Variants in MRPS22 observed in about 807,000 individuals in gnomAD.
MRPS22 encodes the protein mitochondrial ribosomal protein S22.
Under a neutral mutation model 44.0 loss-of-function variants are expected in MRPS22, and 30 were observed. The observed-to-expected ratio is 0.68, with a 90% CI of 0.51 to 0.93. MRPS22 has a LOEUF of 0.93. Among genes scored for constraint, MRPS22 ranks in the 40% least tolerant of loss-of-function variants. The pLI is 0.00. For missense variants in MRPS22, 447 were observed against 447.8 expected, an observed-to-expected ratio of 1.00 and a Z score of 0.02; for synonymous variants, 165 against 154.4, an observed-to-expected ratio of 1.07 and a Z score of -0.51.
intron 4 of MRPS22, 56 bp from the exon 5 acceptor site, chr3:139,350,921 A>T: frequency 7.1e-7 from 1 of 1,406,198 alleles, no homozygotes; most frequent in African/African-American, 1.4e-5. Context: ...TGACATCAGG[A>T]CAGGTGCTGA....
intron 7 of MRPS22, 121 bp downstream of exon 7, chr3:139,355,911 G>C: frequency 1.3e-6 from 1 of 757,810 alleles, no homozygotes; most frequent in Non-Finnish European, 2.3e-6. Flanking sequence ...CTGTGGTCTT[G>C]AAAACATCAG....
chr3:139,356,924 T>C lies in MRPS22; in HGVS notation c.993T>C (p.Phe331=), dbSNP rs759741122. ...AAEGINLIKV[F]AKTEAQKGAY... is the part of the protein sequence containing the mutation. ...TTTCTTTTTAATTTAAACAGGTCTT[T>C]GCAAAAACAGAAGCACAGAAGGGAG... The change falls in exon 8 of 8, where the codon TTT becomes TTC. Residue 331 remains phenylalanine, a synonymous_variant. Coordinates refer to ENST00000680020, the MANE Select transcript of MRPS22 (RefSeq NM_020191.4). 1.1e-5 allele frequency: 18 copies of C among 1,611,666 alleles called. No homozygotes were observed. Among genetic ancestry groups the C allele is most frequent in the Non-Finnish European group, 1.5e-5 (18 of 1,178,444 alleles).
At chr3:139,352,388 C>T in intron 5 of MRPS22, 1 of 411,322 alleles carries the variant, frequency 2.4e-6, no homozygotes, top group African/African-American at 2.0e-5. Flanking sequence ...CCCACCTCAG[C>T]TTCCCAAAGT....
rs1941051715 is a variant in MRPS22 at position 139,347,055 on chromosome 3, G to T, written c.339+11G>T. The T allele has an allele frequency of 1.9e-6, 3 of 1,613,968 alleles. No individual in the cohort carries two copies. In the South Asian group the frequency reaches 3.3e-5, roughly 18 times the overall value. On this transcript the variant is annotated intron_variant, in intron 2 of 7. Coordinates refer to ENST00000680020, the MANE Select transcript of MRPS22 (RefSeq NM_020191.4). Reference sequence around the variant, plus strand: ...GCACAGTTGGAAGAGGTACGTGAATGCAGGAATATTGTTAGAATACCTTTC... The same window carrying T: ...GCACAGTTGGAAGAGGTACGTGAATTCAGGAATATTGTTAGAATACCTTTC...
At chr3:139,344,584 C>T in intron 1 of MRPS22, 1 of 627,966 alleles carries the variant, frequency 1.6e-6, no homozygotes, top group Non-Finnish European at 2.8e-6. Flanking sequence ...GGGAAGGGTT[C>T]CTGGCAAATA....
chr3:139,346,474 C>T (rs959258442), intron 1 of MRPS22, among the ~76,000 whole-genome samples: 3 of 152,208 alleles, frequency 2.0e-5, no homozygotes, highest in Non-Finnish European at 2.9e-5. Context: ...AGCTAGTTGT[C>T]TTTGGATAGG....
intron 1 of MRPS22, chr3:139,344,664 TA>T (rs1359064608): frequency 8.6e-6 from 6 of 699,042 alleles, no homozygotes; most frequent in Middle Eastern, 4.6e-4. Context: ...TAGGGGACAG[TA>T]GCAGATGTCC....
rs1941237919 is a variant in MRPS22 at position 139,355,716 on chromosome 3, C to G, written c.913C>G (p.His305Asp). The G allele has an allele frequency of 1.2e-6, 2 of 1,614,148 alleles. No homozygotes were observed. Among genetic ancestry groups the G allele is most frequent in the Non-Finnish European group, 1.7e-6 (2 of 1,180,000 alleles). The change falls in exon 7 of 8, where the codon CAC becomes GAC. Residue 305 changes from histidine (H) to aspartate (D), a missense_variant. Coordinates refer to ENST00000680020, the MANE Select transcript of MRPS22 (RefSeq NM_020191.4). ...DDATNLVQLYHVLHPDGQSAQ... is the reference protein window; with the variant it reads ...DDATNLVQLYDVLHPDGQSAQ... ...TGCAACCAACTTGGTCCAGCTGTAT[C>G]ACGTGCTCCATCCAGATGGCCAGTC...
Position 139,344,178 on chromosome 3 carries a change from G to T in MRPS22, c.152G>T (p.Arg51Leu), listed in dbSNP as rs747726730. ...PCSFEMGLPR[R>L]RFSSEAAESG... is the part of the protein sequence containing the mutation. ...TCTTTCGAGATGGGGCTGCCACGCC[G>T]CCGGTTCAGCTCCGAGGCCGGTAAG... Residue 51 changes from arginine to leucine, a missense_variant, in exon 1 of 8, where the codon CGC (arginine) becomes CTC (leucine). Coordinates refer to ENST00000680020, the MANE Select transcript of MRPS22 (RefSeq NM_020191.4). 2.0e-5 allele frequency: 33 copies of T among 1,610,538 alleles called. No individual in the cohort carries two copies. Among genetic ancestry groups the T allele is most frequent in the Middle Eastern group, 3.5e-4 (2 of 5,738 alleles).
chr3:139,344,428 A>AAG (rs1940999030), intron 1 of MRPS22: 3 of 632,244 alleles, frequency 4.7e-6, no homozygotes, highest in Admixed American at 2.5e-5. Context: ...GCACTGTGCT[A>AAG]AGCTCTGTGG....
In MRPS22 at chr3:139,352,772, T is replaced by C. The variant is rs1560008090; in HGVS notation, c.858T>C (p.Ile286=). 6.2e-7 allele frequency: 1 copy of C among 1,613,648 alleles called. No individual in the cohort carries two copies. The highest frequency in any genetic ancestry group is 1.7e-5 in the Admixed American group (1 of 60,014). The change falls in exon 6 of 8, where the codon ATT becomes ATC. Residue 286 remains isoleucine (I), a synonymous_variant. Coordinates refer to ENST00000680020, the MANE Select transcript of MRPS22 (RefSeq NM_020191.4). ...VNNKKIDGLL[I]DQIQRDLIDD... is the part of the protein sequence containing the mutation. ...ATAAAAAGATTGATGGTTTGCTGAT[T>C]GACCAGATTCAGAGAGATTTGTAAG...
Position 139,352,670 on chromosome 3 carries a change from TATAG to T in MRPS22, c.760_763del (p.Asp254AsnfsTer22), listed in dbSNP as rs868695898. 1.9e-6 allele frequency: 3 copies of T among 1,613,356 alleles called. No homozygotes were observed. The highest frequency in any genetic ancestry group is 1.7e-5 in the Admixed American group (1 of 60,012). ...AGGTTCATCACAAGACCTATGAAGA[TATAG>T]ATAAACGTGGAAAATATGACCTTTT... On this transcript the variant is annotated frameshift_variant, in exon 6 of 8. Coordinates refer to ENST00000680020, the MANE Select transcript of MRPS22 (RefSeq NM_020191.4). LOFTEE classifies it high-confidence loss of function.
intron 1 of MRPS22, among the ~76,000 whole-genome samples, chr3:139,346,521 T>C (rs902872278): frequency 9.2e-5 from 14 of 152,352 alleles, no homozygotes; most frequent in Admixed American, 6.5e-5. Flanking sequence ...GGTTTATCAG[T>C]ACCTATTTTG....
intron 4 of MRPS22, chr3:139,350,740 T>G (rs544936485): frequency 2.0e-5 from 11 of 543,012 alleles, no homozygotes; most frequent in South Asian, 2.0e-4. Context: ...CTGGCCGACT[T>G]CTTTCTTAAT....
chr3:139,344,460 C>CA (rs1941000039), intron 1 of MRPS22: 2 of 613,404 alleles, frequency 3.3e-6, no homozygotes, highest in Non-Finnish European at 5.8e-6. Context: ...CTAAGACTGA[C>CA]ACAGACATTT....
chr3:139,349,288 G>T (rs533478253), intron 3 of MRPS22: 4 of 434,252 alleles, frequency 9.2e-6, no homozygotes, highest in South Asian at 6.8e-5. Flanking sequence ...AGGAAAAATT[G>T]TATTATGTTG....
At chr3:139,356,430 T>C (rs1003345419) in intron 7 of MRPS22, among the ~76,000 whole-genome samples, 1 of 152,236 alleles carries the variant, frequency 6.6e-6, no homozygotes, top group Non-Finnish European at 1.5e-5. Context: ...CTGGCTTCTA[T>C]CCTAGTAATA....
intron 5 of MRPS22, 172 bp downstream of exon 5, chr3:139,351,232 A>G (rs940537507): frequency 6.5e-6 from 4 of 615,508 alleles, no homozygotes; most frequent in Non-Finnish European, 1.2e-5. Context: ...TAATCACAAC[A>G]ACCCTTGATT....
At chr3:139,344,589 C>T (rs1941002153) in intron 1 of MRPS22, 1 of 629,996 alleles carries the variant, frequency 1.6e-6, no homozygotes. Flanking sequence ...GGGTTCCTGG[C>T]AAATATGACC....
Sources: gnomAD v4.1 joint callset for allele counts (sites outside exome capture counted in the v4.1 genomes callset) on GRCh38, gnomAD v4.1.1 for gene constraint, MANE v1.5 for transcripts, NCBI Gene and HGNC (gene_info 2026-07-23, HGNC 2026-07-21) for gene names.